Variants in RORA observed in about 807,000 individuals in gnomAD.
The protein encoded by RORA is RAR related orphan receptor A.
Under a neutral mutation model 69.5 loss-of-function variants are expected in RORA, and 7 were observed. The ratio of observed to expected loss-of-function variants is 0.10; its 90% CI spans 0.06 to 0.19. The LOEUF is 0.19. RORA is among the 10% of genes least tolerant of loss of function. The probability of loss-of-function intolerance (pLI) is 1.00; values close to 1 mark genes in which losing one functional copy is unlikely to be tolerated. For missense variants in RORA, 457 were observed against 663.0 expected, an observed-to-expected ratio of 0.69 and a Z score of 3.41; for synonymous variants, 261 against 240.8, an observed-to-expected ratio of 1.08 and a Z score of -0.78.
chr15:60,695,338 T>G (rs1378619327), intron 1 of RORA, among the ~76,000 whole-genome samples: 1 of 152,222 alleles, frequency 6.6e-6, no homozygotes, highest in African/African-American at 2.4e-5. Flanking sequence ...CATGTTCTCT[T>G]TTCGTCTTTG....
intron 1 of RORA, among the ~76,000 whole-genome samples, chr15:60,756,858 A>G (rs1294991943): frequency 6.6e-6 from 1 of 152,164 alleles, no homozygotes; most frequent in Admixed American, 6.6e-5. Flanking sequence ...ATTTTAATGT[A>G]TGTTTCATAA....
At chr15:60,878,794 T>G (rs1595786557) in intron 1 of RORA, among the ~76,000 whole-genome samples, 1 of 152,256 alleles carries the variant, frequency 6.6e-6, no homozygotes, top group South Asian at 2.1e-4. Context: ...TGAGGTAATG[T>G]CTTGCAGGGC....
chr15:60,531,989 G>GT lies in RORA; in HGVS notation c.197-139dup. ...TGCATTAACTATTCATTGCTGAACT[G>GT]TGAGGGTCCCCCTAGAGCCCTGGAC... On this transcript the variant is annotated intron_variant, in intron 2 of 10. Coordinates refer to ENST00000335670, the MANE Select transcript of RORA (RefSeq NM_134261.3). The surrounding 1 kb of genome is among the most constrained non-coding windows in gnomAD (Gnocchi z 4.8). 1 of 551,526 alleles carries GT rather than the reference G, an allele frequency of 1.8e-6. No individual in the cohort carries two copies. Among genetic ancestry groups the GT allele is most frequent in the Non-Finnish European group, 3.2e-6 (1 of 316,662 alleles). The allele number at this position is 551,526 out of a possible 1,614,324, so 34.2% of individuals were successfully genotyped here. A position where few individuals can be genotyped will look rare whatever the true frequency, so the allele number is the denominator to read the frequency against.
chr15:61,141,309 G>C (rs536305244), intron 1 of RORA, among the ~76,000 whole-genome samples: 1 of 152,236 alleles, frequency 6.6e-6, no homozygotes, highest in South Asian at 2.1e-4. Context: ...AATCGATGTA[G>C]AATTTGGAAT....
In RORA at chr15:60,653,667, G is replaced by C. The variant is rs557257395; in HGVS notation, c.196+24990C>G. Among the ~76,000 whole-genome samples, 7 of 152,274 alleles carry C rather than the reference G, an allele frequency of 4.6e-5. No individual in the cohort carries two copies. The East Asian group carries it at 1.4e-3, about 29-fold the overall frequency. On this transcript the variant is annotated intron_variant, in intron 2 of 10. Transcript: ENST00000335670. ...ACATTACTTGTAGGTGGTTGTGATGGAAGTTGAGCCCATGGTAATGGACTT... is the reference window on the plus strand; with the variant it reads ...ACATTACTTGTAGGTGGTTGTGATGCAAGTTGAGCCCATGGTAATGGACTT...
intron 1 of RORA, among the ~76,000 whole-genome samples, chr15:60,767,948 C>G (rs1228170824): frequency 2.6e-5 from 4 of 152,160 alleles, no homozygotes; most frequent in Non-Finnish European, 5.9e-5. Flanking sequence ...TCGTTCATCA[C>G]TCTACACCAC....
At chr15:60,758,560 G>A (rs2071835611) in intron 1 of RORA, among the ~76,000 whole-genome samples, 1 of 152,098 alleles carries the variant, frequency 6.6e-6, no homozygotes, top group South Asian at 2.1e-4. Context: ...TACAGTTGGG[G>A]AGTGGGAATT....
chr15:61,084,983 G>C (rs1280802336), intron 1 of RORA, among the ~76,000 whole-genome samples: 2 of 152,108 alleles, frequency 1.3e-5, no homozygotes, highest in Admixed American at 6.5e-5. Context: ...ATAATTCCCA[G>C]TGATTGCACT....
At chr15:60,726,290 T>C (rs559971544) in intron 1 of RORA, among the ~76,000 whole-genome samples, 9 of 152,264 alleles carry the variant, frequency 5.9e-5, no homozygotes, top group African/African-American at 2.2e-4. Flanking sequence ...GAGGTCATGC[T>C]GGCAAGTCTA....
At chr15:61,129,674 TTCAG>T (rs1176851654) in intron 1 of RORA, among the ~76,000 whole-genome samples, 1 of 152,168 alleles carries the variant, frequency 6.6e-6, no homozygotes. Flanking sequence ...TGAATGACAG[TTCAG>T]TCAAAGGATC....
chr15:60,754,233 G>C (rs2071765517), intron 1 of RORA, among the ~76,000 whole-genome samples: 1 of 152,314 alleles, frequency 6.6e-6, no homozygotes, highest in Admixed American at 6.5e-5. Context: ...CACCTTGTGA[G>C]AACGTGTCAC....
intron 2 of RORA, among the ~76,000 whole-genome samples, chr15:60,560,841 TAA>T (rs1486290215): frequency 1.3e-5 from 2 of 152,152 alleles, no homozygotes; most frequent in Non-Finnish European, 2.9e-5. Flanking sequence ...TTAAAAAAAT[TAA>T]AAGTTACACC....
At chr15:60,987,248 C>T (rs1051496851) in intron 1 of RORA, among the ~76,000 whole-genome samples, 6 of 152,204 alleles carry the variant, frequency 3.9e-5, no homozygotes, top group Admixed American at 2.0e-4. Flanking sequence ...ACGTCATTCT[C>T]ACCTCCGTGC....
chr15:60,946,986 G>A (rs1892902659), intron 1 of RORA, among the ~76,000 whole-genome samples: 3 of 151,734 alleles, frequency 2.0e-5, no homozygotes, highest in East Asian at 2.0e-4. Context: ...GAGCCCCTCC[G>A]TCCGGCAGCC....
intron 1 of RORA, among the ~76,000 whole-genome samples, chr15:60,701,905 A>C (rs781085058): frequency 6.6e-6 from 1 of 152,200 alleles, no homozygotes; most frequent in Non-Finnish European, 1.5e-5. Context: ...AGACAACAGC[A>C]ACTTCTCATA....
At chr15:60,695,704 C>T (rs543267879) in intron 1 of RORA, among the ~76,000 whole-genome samples, 1 of 152,262 alleles carries the variant, frequency 6.6e-6, no homozygotes, top group African/African-American at 2.4e-5. Context: ...GCGCAACATT[C>T]TCATTTTTCA....
At chr15:60,730,962 G>T (rs993546939) in intron 1 of RORA, among the ~76,000 whole-genome samples, 1 of 151,724 alleles carries the variant, frequency 6.6e-6, no homozygotes, top group African/African-American at 2.4e-5. Flanking sequence ...ATGTAAACAT[G>T]TGTCGGGGGG....
intron 1 of RORA, among the ~76,000 whole-genome samples, chr15:60,852,432 G>C (rs2073336750): frequency 2.6e-5 from 4 of 152,210 alleles, no homozygotes; most frequent in Non-Finnish European, 4.4e-5. Context: ...TGTCTATAAA[G>C]TGAGGATAAC....
chr15:60,574,786 T>G, intron 2 of RORA, among the ~76,000 whole-genome samples: 1 of 152,218 alleles, frequency 6.6e-6, no homozygotes, highest in Non-Finnish European at 1.5e-5. Context: ...TGAGGTTACA[T>G]GACTTGCCCA....
Sources: allele counts gnomAD v4.1 joint callset (sites outside exome capture counted in the v4.1 genomes callset), GRCh38; gene constraint gnomAD v4.1.1; non-coding constraint Gnocchi (gnomAD v3.1); transcripts MANE v1.5; gene names NCBI Gene and HGNC (gene_info 2026-07-23, HGNC 2026-07-21).